CYP2A13: variants seen among roughly 807,000 people sequenced by gnomAD.
CYP2A13 encodes cytochrome P450 family 2 subfamily A member 13, also known as cytochrome P450 2A13.
Under a neutral mutation model 39.4 loss-of-function variants are expected in CYP2A13, and 30 were observed. The ratio of observed to expected loss-of-function variants is 0.76; its 90% CI spans 0.57 to 1.03. The LOEUF is 1.03. Among genes scored for constraint, CYP2A13 ranks in the 50% least tolerant of loss-of-function variants. The probability of loss-of-function intolerance (pLI) is 0.00; values close to 1 mark genes in which losing one functional copy is unlikely to be tolerated. For missense variants in CYP2A13, 731 were observed against 648.4 expected (o/e 1.13, Z -1.38); for synonymous variants, 269 against 254.7 (o/e 1.06, Z -0.54).
chr19:41,096,014 G>T lies in CYP2A13; in HGVS notation c.*73G>T. Reference sequence around the variant, plus strand: ...GCCGGGGCAGGGGCGGGGCTTGTGGGAGGGGCGGGGCTAAGAATGGGGGCA... The same window carrying T: ...GCCGGGGCAGGGGCGGGGCTTGTGGTAGGGGCGGGGCTAAGAATGGGGGCA... On this transcript the variant is annotated 3_prime_UTR_variant, in exon 9 of 9. Transcript: ENST00000330436. 8.8e-6 allele frequency: 8 copies of T among 911,094 alleles called. No individual in the cohort carries two copies. Among genetic ancestry groups the T allele is most frequent in the Non-Finnish European group, 1.1e-5 (7 of 612,224 alleles). The allele number at this position is 911,094 out of a possible 1,614,324, so 56.4% of individuals were successfully genotyped here.
At position 41,094,396 on chromosome 19, in the gene CYP2A13, C is replaced by G. The variant is rs550045820; in HGVS notation, c.1125C>G (p.Asn375Lys). 4 of 1,614,120 alleles carry G rather than the reference C, an allele frequency of 2.5e-6. No individual in the cohort carries two copies. Among genetic ancestry groups the G allele is most frequent in the African/African-American group, 1.3e-5 (1 of 75,018 alleles). Residue 375 changes from asparagine to lysine, a missense_variant, in exon 7 of 9, where the codon AAC (asparagine) becomes AAG (lysine). Physicochemically the swap from Asn to Lys is moderately conservative, Grantham distance 94 (BLOSUM62 0). Transcript: ENST00000330436. The part of the protein sequence containing the change: ...MLPMGLAHRV[N>K]KDTKFRDFFL... ...CCATGGGTTTGGCCCACAGGGTCAA[C>G]AAGGACACCAAGTTTCGGGATTTCT... is the stretch of plus-strand genomic sequence containing the variant.
Position 41,090,172 on chromosome 19 carries a change from A to C in CYP2A13, c.469A>C (p.Ile157Leu). ...ERIQEEAGFL[I>L]DALRGTHGAN... ...CATCCAGGAGGAGGCGGGCTTCCTC[A>C]TCGACGCCCTCCGGGGCACGCACGG... The change falls in exon 3 of 9, where the codon ATC becomes CTC. Residue 157 changes from isoleucine to leucine, a missense_variant. By Grantham distance (5) the Ile-to-Leu change is conservative. Coordinates refer to ENST00000330436, the MANE Select transcript of CYP2A13 (RefSeq NM_000766.5). 1.9e-6 allele frequency: 3 copies of C among 1,586,752 alleles called. No individual in the cohort carries two copies. In the African/African-American group the frequency reaches 4.0e-5, roughly 21 times the overall value.
chr19:41,095,277 C>A (rs115667910), intron 8 of CYP2A13, among the ~76,000 whole-genome samples, 177 bp downstream of exon 8: 3,906 of 152,186 alleles, frequency 0.026, 152 homozygotes, highest in African/African-American at 0.088. Flanking sequence ...CCAATACCTG[C>A]GCCCAGGTAA....
chr19:41,093,477 C>A (rs1187202997), intron 5 of CYP2A13, among the ~76,000 whole-genome samples, 153 bp from the exon 6 acceptor site: 1 of 152,116 alleles, frequency 6.6e-6, no homozygotes, highest in Non-Finnish European at 1.5e-5. Flanking sequence ...GCAGCCAGGG[C>A]AAGGGCTGGA....
At chr19:41,091,077 G>T (rs1201366453) in intron 4 of CYP2A13, among the ~76,000 whole-genome samples, 1 of 152,312 alleles carries the variant, frequency 6.6e-6, no homozygotes, top group East Asian at 1.9e-4. Context: ...TGAAAACATG[G>T]ACAGGTGCCC....
In CYP2A13 at chr19:41,096,012, G is replaced by A. The variant is rs1427003151; in HGVS notation, c.*71G>A. The A allele has an allele frequency of 1.8e-5, 25 of 1,352,594 alleles. No homozygotes were observed. The highest frequency in any genetic ancestry group is 2.6e-5 in the East Asian group (1 of 37,752). The allele number at this position is 1,352,594 out of a possible 1,614,324, so 83.8% of individuals were successfully genotyped here. On this transcript the variant is annotated 3_prime_UTR_variant, in exon 9 of 9. Coordinates refer to ENST00000330436, the MANE Select transcript of CYP2A13 (RefSeq NM_000766.5). ...CGGCCGGGGCAGGGGCGGGGCTTGTGGGAGGGGCGGGGCTAAGAATGGGGG... is the reference window on the plus strand; with the variant it reads ...CGGCCGGGGCAGGGGCGGGGCTTGTAGGAGGGGCGGGGCTAAGAATGGGGG...
Position 41,090,573 on chromosome 19 carries a change from C to G in CYP2A13, c.654+9C>G. 1.9e-6 allele frequency: 3 copies of G among 1,614,012 alleles called. No homozygotes were observed. The highest frequency in any genetic ancestry group is 2.5e-6 in the Non-Finnish European group (3 of 1,179,910). On this transcript the variant is annotated intron_variant, in intron 4 of 8. Transcript: ENST00000330436. ...CAACCTCCACGGGGCAGGTAACTGG[C>G]TGCAGCCCGCCAGTGACGCCCCTAC...
chr19:41,094,517 T>A, intron 7 of CYP2A13, 85 bp downstream of exon 7: 1 of 1,486,914 alleles, frequency 6.7e-7, no homozygotes, highest in South Asian at 1.1e-5. Flanking sequence ...CCCCCATTAG[T>A]GTTCTAGACT....
At position 41,094,986 on chromosome 19, in the gene CYP2A13, T is replaced by C; in HGVS notation, c.1189T>C (p.Ser397Pro). The change falls in exon 8 of 9, where the codon TCC (serine) becomes CCC (proline). Residue 397 changes from serine (S) to proline (P), a missense_variant. Transcript: ENST00000330436. ...KGTEVFPMLG[S>P]VLRDPRFFSN... ...CACTGAAGTGTTCCCTATGCTGGGC[T>C]CCGTGCTGAGAGACCCCAGGTTCTT... 6.2e-7 allele frequency: 1 copy of C among 1,614,118 alleles called. No individual in the cohort carries two copies. The highest frequency in any genetic ancestry group is 1.1e-5 in the South Asian group (1 of 91,072).
At position 41,090,112 on chromosome 19, in the gene CYP2A13, G is replaced by A; in HGVS notation, c.409G>A (p.Gly137Ser). ...LRRFSIATLR[G>S]FGVGKRGIEE... is the part of the protein sequence containing the mutation. Reference sequence around the variant, plus strand: ...GCGCTTCTCCATCGCCACCCTAAGGGGTTTTGGCGTGGGCAAGCGCGGCAT... The same window carrying A: ...GCGCTTCTCCATCGCCACCCTAAGGAGTTTTGGCGTGGGCAAGCGCGGCAT... Residue 137 changes from glycine (G) to serine (S), a missense_variant, in exon 3 of 9, where the codon GGT (glycine) becomes AGT (serine). Transcript: ENST00000330436. 1.9e-6 allele frequency: 3 copies of A among 1,609,890 alleles called. No homozygotes were observed. The highest frequency in any genetic ancestry group is 2.5e-6 in the Non-Finnish European group (3 of 1,178,202).
intron 4 of CYP2A13, 83 bp from the exon 5 acceptor site, chr19:41,091,649 G>A (rs917052718): frequency 6.4e-6 from 10 of 1,564,228 alleles, no homozygotes; most frequent in Admixed American, 1.8e-5. Flanking sequence ...TTCCTTCCTT[G>A]CTATGAAACA....
At chr19:41,088,882 C>A (rs1429330999) in intron 1 of CYP2A13, 47 bp from the exon 2 acceptor site, 12 of 1,608,624 alleles carry the variant, frequency 7.5e-6, no homozygotes, top group Non-Finnish European at 1.0e-5. Flanking sequence ...TGGGCCCATT[C>A]AGAGTGGGGG....
At chr19:41,088,702 G>A (rs2031096129) in intron 1 of CYP2A13, 51 bp downstream of exon 1, 2 of 1,584,368 alleles carry the variant, frequency 1.3e-6, no homozygotes, top group Admixed American at 3.4e-5. Flanking sequence ...TGCCCAGTTG[G>A]CTGGGGCTTT....
intron 5 of CYP2A13, among the ~76,000 whole-genome samples, chr19:41,092,412 T>A (rs1277257803): frequency 6.6e-6 from 1 of 150,822 alleles, no homozygotes; most frequent in African/African-American, 2.4e-5. Flanking sequence ...AAGCACGACT[T>A]ATGCACGTGC....
At chr19:41,093,813 C>T in intron 6 of CYP2A13, 42 bp downstream of exon 6, 1 of 1,605,610 alleles carries the variant, frequency 6.2e-7, no homozygotes, top group South Asian at 1.1e-5. Context: ...CCCAGACCCT[C>T]AAAACTCCCC....
chr19:41,091,487 G>A (rs553493925), intron 4 of CYP2A13, among the ~76,000 whole-genome samples: 1 of 152,138 alleles, frequency 6.6e-6, no homozygotes, highest in South Asian at 2.1e-4. Context: ...AGCCTCATTT[G>A]CATACCTGAA....
chr19:41,095,830 G>C lies in CYP2A13; in HGVS notation c.1374G>C (p.Gln458His), dbSNP rs765964811. 1 of 1,614,122 alleles carries C rather than the reference G, an allele frequency of 6.2e-7. No individual in the cohort carries two copies. Among genetic ancestry groups the C allele is most frequent in the Admixed American group, 1.7e-5 (1 of 60,020 alleles). Residue 458 changes from glutamine (Q) to histidine (H), a missense_variant, in exon 9 of 9, where the codon CAG becomes CAC. Physicochemically the swap from Gln to His is conservative, Grantham distance 24 (BLOSUM62 0). Coordinates refer to ENST00000330436, the MANE Select transcript of CYP2A13 (RefSeq NM_000766.5). ...TTCTCTTCTTCACCACCATCATGCA[G>C]AACTTTCGCTTCAAGTCCCCTCAGT... is the stretch of plus-strand genomic sequence containing the variant. ...ELFLFFTTIM[Q>H]NFRFKSPQSP...
intron 4 of CYP2A13, 95 bp from the exon 5 acceptor site, chr19:41,091,637 C>A (rs182313888): frequency 2.4e-5 from 37 of 1,543,070 alleles, no homozygotes; most frequent in African/African-American, 1.4e-4. Flanking sequence ...CCTTTAACTC[C>A]GTTCCTTCCT....
rs71579363 is a variant in CYP2A13 at position 41,089,231 on chromosome 19, T to C, written c.343+140T>C. On this transcript the variant is annotated intron_variant, in intron 2 of 8. Transcript: ENST00000330436. Reference sequence around the variant, plus strand: ...GGTCTTCTCTCCCCATCTCCCTTCATCGTGGCCTCTCCCTGTGCGTCCCTC... The same window carrying C: ...GGTCTTCTCTCCCCATCTCCCTTCACCGTGGCCTCTCCCTGTGCGTCCCTC... 1.2e-4 allele frequency: 180 copies of C among 1,446,738 alleles called. No individual in the cohort carries two copies. The East Asian group carries it at 3.9e-3, about 31-fold the overall frequency. 89.6% of individuals were successfully genotyped at this position (1,446,738 alleles called of 1,614,324 possible). A position where few individuals can be genotyped will look rare whatever the true frequency, so the allele number is the denominator to read the frequency against.
Sources: gnomAD v4.1 joint callset for allele counts (sites outside exome capture counted in the v4.1 genomes callset) on GRCh38, gnomAD v4.1.1 for gene constraint, MANE v1.5 for transcripts, NCBI Gene and HGNC (gene_info 2026-07-23, HGNC 2026-07-21) for gene names.